TRAPPC9: variants seen among roughly 807,000 people sequenced by gnomAD.
TRAPPC9 encodes the protein trafficking protein particle complex subunit 9.
Under a neutral mutation model 124.0 loss-of-function variants are expected in TRAPPC9, and 83 were observed. The observed-to-expected ratio is 0.67, with a 90% CI of 0.56 to 0.80. TRAPPC9 has a LOEUF of 0.80. Among genes scored for constraint, TRAPPC9 ranks in the 30% least tolerant of loss-of-function variants. The probability of loss-of-function intolerance (pLI) is 0.00; values close to 1 mark genes in which losing one functional copy is unlikely to be tolerated. For missense variants in TRAPPC9, 1,302 were observed against 1,508.3 expected (o/e 0.86, Z 2.27); for synonymous variants, 638 against 617.5 (o/e 1.03, Z -0.49).
At chr8:139,929,483 C>A (rs1054070666) in intron 19 of TRAPPC9, among the ~76,000 whole-genome samples, 1 of 152,136 alleles carries the variant, frequency 6.6e-6, no homozygotes, top group East Asian at 1.9e-4. Flanking sequence ...CGCCTGTAAT[C>A]CCAGCACTTT....
At chr8:140,361,027 G>A (rs2067938160) in intron 8 of TRAPPC9, among the ~76,000 whole-genome samples, 1 of 152,194 alleles carries the variant, frequency 6.6e-6, no homozygotes, top group African/African-American at 2.4e-5. Flanking sequence ...ATGAGCCACT[G>A]CTCCCAGCCA....
chr8:140,051,884 G>A (rs1405075466), intron 17 of TRAPPC9, among the ~76,000 whole-genome samples: 1 of 152,094 alleles, frequency 6.6e-6, no homozygotes, highest in African/African-American at 2.4e-5. Context: ...CACAGCAGGA[G>A]TTTAACTGTG....
intron 9 of TRAPPC9, among the ~76,000 whole-genome samples, chr8:140,313,018 C>A (rs2066341893): frequency 1.3e-5 from 2 of 152,160 alleles, no homozygotes; most frequent in Non-Finnish European, 2.9e-5. Context: ...CCTTGGCCTT[C>A]CAAAGTACTG....
chr8:140,104,877 C>A lies in TRAPPC9; in HGVS notation c.2557-80798G>T, dbSNP rs147554858. 4.7e-3 allele frequency among the ~76,000 whole-genome samples: 723 copies of A among 152,298 alleles called. 7 individuals are homozygous for A. The highest frequency in any genetic ancestry group is 0.017 in the African/African-American group (698 of 41,554). The stretch of plus-strand genomic sequence containing the variant: ...ACCCTTTTAGAAACAGTGTTAATGG[C>A]GACATTTAACGACATGGAGCTCCCT... On this transcript the variant is annotated intron_variant, in intron 17 of 22. Transcript: ENST00000438773. The surrounding 1 kb of genome is among the most constrained non-coding windows in gnomAD (Gnocchi z 4.0).
intron 21 of TRAPPC9, among the ~76,000 whole-genome samples, chr8:139,823,764 G>A (rs1166639484): frequency 6.6e-6 from 1 of 152,192 alleles, no homozygotes; most frequent in African/African-American, 2.4e-5. Context: ...CATCCCTGGG[G>A]CCTGCAGAGG....
chr8:140,402,861 T>C (rs955289177), intron 6 of TRAPPC9, among the ~76,000 whole-genome samples: 1 of 151,862 alleles, frequency 6.6e-6, no homozygotes, highest in African/African-American at 2.4e-5. Flanking sequence ...AAGAAAAAAA[T>C]ATGAATTCAA....
intron 18 of TRAPPC9, among the ~76,000 whole-genome samples, chr8:140,012,460 T>C (rs983260186): frequency 3.9e-5 from 6 of 152,232 alleles, no homozygotes; most frequent in Non-Finnish European, 8.8e-5. Flanking sequence ...GTGGACCCCA[T>C]GCGCTGCAGG....
chr8:140,115,372 ACT>A (rs1156317003), intron 17 of TRAPPC9, among the ~76,000 whole-genome samples: 1 of 151,030 alleles, frequency 6.6e-6, no homozygotes, highest in East Asian at 1.9e-4. Flanking sequence ...GGTTCAAGCA[ACT>A]CTCTGCCTCA....
At chr8:140,041,632 G>C (rs1408986113) in intron 17 of TRAPPC9, among the ~76,000 whole-genome samples, 1 of 152,126 alleles carries the variant, frequency 6.6e-6, no homozygotes, top group Non-Finnish European at 1.5e-5. Context: ...CCCTCATGGC[G>C]GTCACACCAT....
chr8:139,940,680 C>T (rs1383394971), intron 19 of TRAPPC9, among the ~76,000 whole-genome samples: 4 of 151,976 alleles, frequency 2.6e-5, no homozygotes, highest in Non-Finnish European at 5.9e-5. Flanking sequence ...CACAGAACTT[C>T]CTCCAAGAAG....
rs1821386423 is a variant in TRAPPC9, at chr8:139,776,422, G to A, written c.3056-44220C>T. Among the ~76,000 whole-genome samples the A allele has an allele frequency of 6.6e-6, 1 of 152,210 alleles. No individual in the cohort carries two copies. The highest frequency in any genetic ancestry group is 6.5e-5 in the Admixed American group (1 of 15,280). On this transcript the variant is annotated intron_variant, in intron 21 of 22. Transcript: ENST00000438773. This position sits in a 1 kb window ranked among gnomAD's most constrained non-coding sequence, Gnocchi z 4.1. Reference sequence around the variant, plus strand: ...CACAACGAATTGGGAAGGATGGGGTGGCACCAGGGTGAAGACACATGCTCA... The same window carrying A: ...CACAACGAATTGGGAAGGATGGGGTAGCACCAGGGTGAAGACACATGCTCA...
rs1346923116 is a variant in TRAPPC9 at position 140,167,118 on chromosome 8, A to T, written c.2556+54341T>A. On this transcript the variant is annotated intron_variant, in intron 17 of 22. Transcript: ENST00000438773. ...GGTACCAGGTCACACAGGACACAGA[A>T]GAATCTAAGTGACAGTTCATAGCTT... Among the ~76,000 whole-genome samples, 5 of 151,456 alleles carry T rather than the reference A, an allele frequency of 3.3e-5. No individual in the cohort carries two copies. In the East Asian group the frequency reaches 9.8e-4, roughly 30 times the overall value.
intron 21 of TRAPPC9, among the ~76,000 whole-genome samples, chr8:139,767,585 G>A (rs923291137): frequency 3.3e-5 from 5 of 152,226 alleles, no homozygotes; most frequent in African/African-American, 1.2e-4. Context: ...CAGATGGAGG[G>A]AACAGATGAA....
In TRAPPC9 at chr8:140,356,525, G is replaced by A. The variant is rs551315471; in HGVS notation, c.1495+3525C>T. On this transcript the variant is annotated intron_variant, in intron 9 of 22. Coordinates refer to ENST00000438773, the MANE Select transcript of TRAPPC9 (RefSeq NM_001160372.4). Reference sequence around the variant, plus strand: ...GGGAAGATATGGCCCATGCCCTTGAGAAATACAAACTCCAACAGAAAAACA... The same window carrying A: ...GGGAAGATATGGCCCATGCCCTTGAAAAATACAAACTCCAACAGAAAAACA... Among the ~76,000 whole-genome samples, 5 of 151,850 alleles carry A rather than the reference G, an allele frequency of 3.3e-5. No individual in the cohort carries two copies. In the South Asian group the frequency reaches 1.0e-3, roughly 32 times the overall value.
intron 17 of TRAPPC9, among the ~76,000 whole-genome samples, chr8:140,080,762 G>A (rs1011875053): frequency 2.6e-5 from 4 of 152,204 alleles, no homozygotes; most frequent in Admixed American, 2.0e-4. Context: ...CATAGCACCT[G>A]TCACACTCAC....
intron 15 of TRAPPC9, among the ~76,000 whole-genome samples, chr8:140,269,402 G>C (rs928982946): frequency 5.3e-5 from 8 of 151,976 alleles, no homozygotes; most frequent in African/African-American, 1.9e-4. Flanking sequence ...TTAGCTGGGC[G>C]TGGTGGCAGG....
At chr8:139,806,184 C>A (rs1824044133) in intron 21 of TRAPPC9, 1 of 152,276 alleles carries the variant, frequency 6.6e-6, no homozygotes, top group African/African-American at 2.4e-5. Context: ...GGAGCCAGGG[C>A]TCCCGGAGAT....
chr8:140,041,051 T>C (rs1453932963), intron 17 of TRAPPC9: 1 of 152,320 alleles, frequency 6.6e-6, no homozygotes, highest in East Asian at 1.9e-4. Context: ...GTGGACCTCA[T>C]GGTCCCTGTG....
At chr8:140,370,021 A>G (rs1036796608) in intron 8 of TRAPPC9, among the ~76,000 whole-genome samples, 2 of 152,184 alleles carry the variant, frequency 1.3e-5, no homozygotes, top group Admixed American at 1.3e-4. Context: ...ATTAACCTAG[A>G]TGACATCACA....
Sources: gnomAD v4.1 joint callset for allele counts (sites outside exome capture counted in the v4.1 genomes callset) on GRCh38, gnomAD v4.1.1 for gene constraint, Gnocchi (gnomAD v3.1) non-coding constraint, MANE v1.5 for transcripts, NCBI Gene and HGNC (gene_info 2026-07-23, HGNC 2026-07-21) for gene names.